Variants in PDE4D observed in about 807,000 individuals in gnomAD.
The protein encoded by PDE4D is 3',5'-cyclic-AMP phosphodiesterase 4D.
Under a neutral mutation model 87.4 loss-of-function variants are expected in PDE4D, and 24 were observed. The ratio of observed to expected loss-of-function variants is 0.27; its 90% CI spans 0.20 to 0.39. PDE4D has a LOEUF of 0.39. Among genes scored for constraint, PDE4D ranks in the 10% least tolerant of loss-of-function variants. PDE4D has a pLI of 1.00. For missense variants in PDE4D, 714 were observed against 1,041.0 expected, an observed-to-expected ratio of 0.69 and a Z score of 4.32; for synonymous variants, 384 against 383.2, an observed-to-expected ratio of 1.00 and a Z score of -0.02.
At chr5:59,667,708 C>G (rs967631148) in intron 1 of PDE4D, among the ~76,000 whole-genome samples, 1 of 152,186 alleles carries the variant, frequency 6.6e-6, no homozygotes, top group African/African-American at 2.4e-5. Flanking sequence ...ATTTCTGTAG[C>G]ATCTGTCCCT....
At chr5:59,675,403 T>C (rs919122758) in intron 1 of PDE4D, among the ~76,000 whole-genome samples, 2 of 152,212 alleles carry the variant, frequency 1.3e-5, no homozygotes, top group Non-Finnish European at 2.9e-5. Context: ...TTATCATTTC[T>C]CCACACTTTA....
At chr5:59,084,844 C>T (rs1178186033) in intron 5 of PDE4D, among the ~76,000 whole-genome samples, 1 of 152,064 alleles carries the variant, frequency 6.6e-6, no homozygotes, top group Non-Finnish European at 1.5e-5. Flanking sequence ...TTTTAATATT[C>T]TTGAAGCTAA....
intron 1 of PDE4D, among the ~76,000 whole-genome samples, chr5:59,583,801 A>G (rs1393098775): frequency 6.6e-6 from 1 of 152,190 alleles, no homozygotes; most frequent in Non-Finnish European, 1.5e-5. Context: ...AAATTTGAAG[A>G]CTACCCTAGA....
At chr5:60,502,497 G>A (rs957438731) in intron 1 of PDE4D, among the ~76,000 whole-genome samples, 1 of 151,934 alleles carries the variant, frequency 6.6e-6, no homozygotes, top group Non-Finnish European at 1.5e-5. Flanking sequence ...ATCTTTTTTG[G>A]TGCCATATGA....
chr5:60,115,783 C>G (rs1778120344), intron 2 of PDE4D, among the ~76,000 whole-genome samples: 1 of 152,092 alleles, frequency 6.6e-6, no homozygotes, highest in Non-Finnish European at 1.5e-5. Context: ...TATTATAATA[C>G]CAACATCAAT....
intron 1 of PDE4D, among the ~76,000 whole-genome samples, chr5:59,427,556 AGGCTT>A (rs1292187817): frequency 6.6e-6 from 1 of 152,150 alleles, no homozygotes; most frequent in African/African-American, 2.4e-5. Flanking sequence ...ATGAAGGGCC[AGGCTT>A]GATTGCTCAT....
chr5:59,378,343 G>A (rs1158429639), intron 1 of PDE4D, among the ~76,000 whole-genome samples: 1 of 151,976 alleles, frequency 6.6e-6, no homozygotes, highest in East Asian at 1.9e-4. Context: ...CTTAATACTT[G>A]GGTGACAAAA....
intron 3 of PDE4D, among the ~76,000 whole-genome samples, chr5:59,956,500 G>T (rs1350752408): frequency 1.3e-5 from 2 of 152,134 alleles, no homozygotes; most frequent in Admixed American, 1.3e-4. Context: ...AATAGTATGG[G>T]CTTTACACAG....
intron 1 of PDE4D, among the ~76,000 whole-genome samples, chr5:59,554,173 T>G (rs1818539378): frequency 6.6e-6 from 1 of 152,170 alleles, no homozygotes; most frequent in Non-Finnish European, 1.5e-5. Context: ...GCAAAGTTCC[T>G]GCTCTTGACA....
chr5:59,638,466 TA>T (rs368640059), intron 1 of PDE4D, among the ~76,000 whole-genome samples: 2 of 151,740 alleles, frequency 1.3e-5, no homozygotes, highest in East Asian at 1.9e-4. Context: ...ATACCACCAT[TA>T]AAAAAAGGGA....
Position 59,793,027 on chromosome 5 carries a change from T to C in PDE4D, c.455+100141A>G, listed in dbSNP as rs533944500. On this transcript the variant is annotated intron_variant, in intron 1 of 14. Transcript: ENST00000340635. ...GGGAAGAAGAGTCAGCTTACACCCA[T>C]TGAGTTCAGTGGCAAGACAGTCAAA... Among the ~76,000 whole-genome samples the C allele has an allele frequency of 1.2e-4, 19 of 152,252 alleles. No individual in the cohort carries two copies. The South Asian group carries it at 3.5e-3, about 28-fold the overall frequency.
At chr5:59,048,335 A>G (rs1761029704) in intron 5 of PDE4D, among the ~76,000 whole-genome samples, 1 of 152,234 alleles carries the variant, frequency 6.6e-6, no homozygotes, top group Admixed American at 6.5e-5. Context: ...CTGTGTTTCC[A>G]TCATATACTA....
intron 11 of PDE4D, among the ~76,000 whole-genome samples, chr5:58,984,830 A>T (rs1187849512): frequency 6.6e-6 from 1 of 152,196 alleles, no homozygotes; most frequent in Admixed American, 6.5e-5. Flanking sequence ...ACTTTTTTTC[A>T]GAAAATAAAG....
rs569574176 is a variant in PDE4D, at chr5:60,518,646, C to T, written n.70+3405G>A. ...TAAACAGATGCGTGAACTCCCACAG[C>T]CTTTACCTGACCACTTGTGTATGGT... On this transcript the variant is annotated intron_variant and non_coding_transcript_variant, in intron 1 of 2. Coordinates refer to the PDE4D transcript ENST00000506510. Among the ~76,000 whole-genome samples, 99 of 152,288 alleles carry T rather than the reference C, an allele frequency of 6.5e-4. 1 individual carries two copies. The highest frequency in any genetic ancestry group is 2.4e-3 in the Admixed American group (37 of 15,308).
In PDE4D at chr5:59,034,903, G is replaced by A. The variant is rs1312451108; in HGVS notation, c.921+3956C>T. Among the ~76,000 whole-genome samples the A allele has an allele frequency of 3.3e-5, 5 of 152,190 alleles. No homozygotes were observed. The East Asian group carries it at 9.6e-4, about 29-fold the overall frequency. On this transcript the variant is annotated intron_variant, in intron 6 of 14. Coordinates refer to ENST00000340635, the MANE Select transcript of PDE4D (RefSeq NM_001104631.2). The stretch of plus-strand genomic sequence containing the variant: ...CAGAAACAAAATACATTTTTATAGT[G>A]ATATGTCTTGGGAATAACTCAAAAT...
chr5:59,017,373 G>A (rs1408122327), intron 6 of PDE4D, among the ~76,000 whole-genome samples: 2 of 152,202 alleles, frequency 1.3e-5, no homozygotes, highest in African/African-American at 4.8e-5. Context: ...GATGATCAAT[G>A]TCTAGGATGG....
At chr5:59,522,027 A>T (rs1374524091) in intron 1 of PDE4D, among the ~76,000 whole-genome samples, 1 of 152,196 alleles carries the variant, frequency 6.6e-6, no homozygotes, top group Non-Finnish European at 1.5e-5. Flanking sequence ...TTTAAAAAAA[A>T]CTCAGGTTTG....
chr5:60,295,899 C>CAA (rs1753339604), intron 1 of PDE4D, among the ~76,000 whole-genome samples: 1 of 152,168 alleles, frequency 6.6e-6, no homozygotes, highest in Non-Finnish European at 1.5e-5. Context: ...GGCTTATAAA[C>CAA]AACAGTAATT....
intron 1 of PDE4D, among the ~76,000 whole-genome samples, chr5:59,760,675 G>A (rs141893437): frequency 6.6e-6 from 1 of 152,192 alleles, no homozygotes. Context: ...ATGTTTTTGA[G>A]AGATATATCA....
Sources: gnomAD v4.1 joint callset for allele counts (sites outside exome capture counted in the v4.1 genomes callset) on GRCh38, gnomAD v4.1.1 for gene constraint, MANE v1.5 for transcripts, NCBI Gene and HGNC (gene_info 2026-07-23, HGNC 2026-07-21) for gene names.